The following MAP3K15 variants were observed in gnomAD, a reference collection of about 807,000 sequenced individuals.
The protein encoded by MAP3K15 is MAPK/ERK kinase kinase 15.
A neutral mutation model predicts 99.5 loss-of-function variants in MAP3K15; 124 were observed. That is an observed-to-expected ratio of 1.25 (90% CI 1.08 to 1.45). MAP3K15 has a LOEUF of 1.45. MAP3K15 is among the 40% of genes most tolerant of loss of function. The pLI, the probability that MAP3K15 is intolerant of heterozygous loss-of-function variation, is 0.00. For missense variants in MAP3K15, 1,242 were observed against 1,079.7 expected (o/e 1.15, Z -2.11); for synonymous variants, 494 against 439.6 (o/e 1.12, Z -1.55).
At chrX:19,452,891 T>C (rs759105167) in intron 6 of MAP3K15, among the ~76,000 whole-genome samples, 55 of 110,620 alleles carry the variant, frequency 5.0e-4, no homozygotes, top group Admixed American at 2.7e-3. Context: ...GTGTATTTTA[T>C]GTATGGTCCA....
intron 6 of MAP3K15, among the ~76,000 whole-genome samples, chrX:19,453,437 T>A (rs978495484): frequency 2.8e-5 from 3 of 108,568 alleles, no homozygotes; most frequent in Non-Finnish European, 3.8e-5. Context: ...GAGGCGAAGG[T>A]TGCAGTGAGC....
intron 16 of MAP3K15, among the ~76,000 whole-genome samples, chrX:19,394,466 T>C (rs892903680): frequency 2.7e-5 from 3 of 112,010 alleles, no homozygotes; most frequent in African/African-American, 6.5e-5. Context: ...ATGGTCTGGG[T>C]CCAGATCCCA....
chrX:19,372,721 T>A lies in MAP3K15; in HGVS notation c.3040A>T (p.Ile1014Phe). The change falls in exon 22 of 29, where the codon ATC becomes TTC. Residue 1014 changes from isoleucine (I) to phenylalanine (F), a missense_variant. By Grantham distance (21) the Ile-to-Phe change is conservative. Transcript: ENST00000338883. ...LLRKDSERRA[I>F]LYKILWEEQN... ...TCCTCCCAGAGGATTTTGTACAGGATGGCACGGCGCTCACTGTCCTTGCGT... is the reference window on the plus strand; with the variant it reads ...TCCTCCCAGAGGATTTTGTACAGGAAGGCACGGCGCTCACTGTCCTTGCGT... 1 of 1,211,523 alleles carries A rather than the reference T, an allele frequency of 8.3e-7. No individual in the cohort carries two copies. The highest frequency in any genetic ancestry group is 1.1e-6 in the Non-Finnish European group (1 of 895,331).
chrX:19,386,887 T>C lies in MAP3K15; in HGVS notation c.2431+5115A>G, dbSNP rs1415530910. ...CCTACCCTCTCCCAAGTTACAGGAT[T>C]TGGGGCAGGACTGTCCCCAAAAGGG... is the stretch of plus-strand genomic sequence containing the variant. On this transcript the variant is annotated intron_variant, in intron 18 of 28. Coordinates refer to ENST00000338883, the MANE Select transcript of MAP3K15 (RefSeq NM_001001671.4). Among the ~76,000 whole-genome samples, 5 of 110,963 alleles carry C rather than the reference T, an allele frequency of 4.5e-5. No homozygotes were observed. The Admixed American group carries it at 4.8e-4, about 11-fold the overall frequency.
At chrX:19,440,802 G>A (rs925183509) in intron 6 of MAP3K15, among the ~76,000 whole-genome samples, 7 of 112,581 alleles carry the variant, frequency 6.2e-5, no homozygotes, top group Non-Finnish European at 1.3e-4. Flanking sequence ...CTCCTTATTT[G>A]CAAGTTGTAG....
At chrX:19,487,166 A>G (rs1053463576) in intron 2 of MAP3K15, among the ~76,000 whole-genome samples, 1 of 109,790 alleles carries the variant, frequency 9.1e-6, no homozygotes. Flanking sequence ...CCATAACTAA[A>G]CAGCTGCCCT....
intron 18 of MAP3K15, among the ~76,000 whole-genome samples, chrX:19,388,979 A>G (rs1381267758): frequency 2.7e-5 from 3 of 111,933 alleles, no homozygotes; most frequent in African/African-American, 9.7e-5. Context: ...CGAAGTACCC[A>G]TACACACCAC....
At chrX:19,383,860 A>C (rs1192361167) in intron 18 of MAP3K15, among the ~76,000 whole-genome samples, 1 of 111,928 alleles carries the variant, frequency 8.9e-6, no homozygotes, top group Non-Finnish European at 1.9e-5. Flanking sequence ...GATGTGGAGA[A>C]AAGGGAACCC....
At chrX:19,503,259 G>A (rs911083512) in intron 1 of MAP3K15, among the ~76,000 whole-genome samples, 5 of 111,749 alleles carry the variant, frequency 4.5e-5, no homozygotes, top group African/African-American at 1.6e-4. Context: ...AGAAATAAAT[G>A]TGGCCAGTCT....
At chrX:19,400,518 C>T (rs1249078854) in intron 14 of MAP3K15, 58 bp downstream of exon 14, 2 of 878,867 alleles carry the variant, frequency 2.3e-6, no homozygotes, top group African/African-American at 2.0e-5. Flanking sequence ...GGGACATTTT[C>T]TTGAAGCATC....
intron 6 of MAP3K15, among the ~76,000 whole-genome samples, chrX:19,442,216 T>C (rs1174235028): frequency 9.0e-6 from 1 of 111,622 alleles, no homozygotes; most frequent in African/African-American, 3.3e-5. Flanking sequence ...ACCTAGCCCA[T>C]GTGGACTCCT....
In MAP3K15 at chrX:19,421,761, A is replaced by G. The variant is rs374615649; in HGVS notation, c.1439+3770T>C. On this transcript the variant is annotated intron_variant, in intron 9 of 28. Coordinates refer to ENST00000338883, the MANE Select transcript of MAP3K15 (RefSeq NM_001001671.4). ...AAAAGAACAAAGCTGGAGGCATCAC[A>G]CTACCTGACTTCAAACTATACTACA... Among the ~76,000 whole-genome samples, 11 of 109,267 alleles carry G rather than the reference A, an allele frequency of 1.0e-4. 1 individual carries two copies. Among genetic ancestry groups the G allele is most frequent in the East Asian group, 8.5e-4 (3 of 3,544 alleles). The allele number at this position is 109,267 out of a possible 115,157, so 94.9% of individuals were successfully genotyped here. A position where few individuals can be genotyped will look rare whatever the true frequency, so the allele number is the denominator to read the frequency against.
chrX:19,409,915 T>G lies in MAP3K15; in HGVS notation c.1748+9A>C. On this transcript the variant is annotated intron_variant, in intron 12 of 28. Transcript: ENST00000338883. ...AAAATAGTAACTCCATTTTCTCCTA[T>G]GTTCTTACCTTATTCCCTTTATGGA... The G allele has an allele frequency of 8.5e-7, 1 of 1,177,886 alleles. No individual in the cohort carries two copies. The highest frequency in any genetic ancestry group is 1.2e-6 in the Non-Finnish European group (1 of 867,575).
At chrX:19,508,469 G>A (rs1005389203) in intron 1 of MAP3K15, among the ~76,000 whole-genome samples, 3 of 112,712 alleles carry the variant, frequency 2.7e-5, no homozygotes, top group African/African-American at 9.7e-5. Context: ...ACCGTGCCCG[G>A]CCTGGAGATG....
intron 1 of MAP3K15, among the ~76,000 whole-genome samples, chrX:19,510,412 A>G (rs1479812484): frequency 8.9e-6 from 1 of 112,096 alleles, no homozygotes; most frequent in Non-Finnish European, 1.9e-5. Context: ...AACAAACATA[A>G]TCGATCACAT....
intron 6 of MAP3K15, among the ~76,000 whole-genome samples, chrX:19,451,637 C>T (rs781398995): frequency 5.3e-4 from 57 of 107,827 alleles, no homozygotes; most frequent in Non-Finnish European, 8.8e-4. Context: ...TCATCTTATA[C>T]GCATTAGGGC....
chrX:19,495,408 A>G (rs971212597), intron 1 of MAP3K15, among the ~76,000 whole-genome samples: 1 of 112,004 alleles, frequency 8.9e-6, no homozygotes, highest in African/African-American at 3.2e-5. Flanking sequence ...CAAGTGTCAT[A>G]GTGAGTGGTA....
At position 19,507,519 on chromosome X, in the gene MAP3K15, G is replaced by A. The variant is rs193158557; in HGVS notation, c.361+7382C>T. 3.8e-4 allele frequency among the ~76,000 whole-genome samples: 37 copies of A among 97,636 alleles called. No individual in the cohort carries two copies. The East Asian group carries it at 6.1e-3, about 16-fold the overall frequency. The allele number at this position is 97,636 out of a possible 115,157, so 84.8% of individuals were successfully genotyped here. A position where few individuals can be genotyped will look rare whatever the true frequency, so the allele number is the denominator to read the frequency against. The stretch of plus-strand genomic sequence containing the variant: ...TTGAGCCCAGGGAGGTCAAGGCTGC[G>A]GTGAGCCGTGATCGCGCTACTGCAC... On this transcript the variant is annotated intron_variant, in intron 1 of 28. Coordinates refer to ENST00000338883, the MANE Select transcript of MAP3K15 (RefSeq NM_001001671.4).
intron 23 of MAP3K15, 130 bp downstream of exon 23, chrX:19,371,215 T>C (rs1602247488): frequency 6.0e-6 from 5 of 835,816 alleles, no homozygotes; most frequent in East Asian, 6.3e-5. Flanking sequence ...CTGGACTTCA[T>C]TGTTTAGGAG....
Sources: allele counts gnomAD v4.1 joint callset (sites outside exome capture counted in the v4.1 genomes callset), GRCh38; gene constraint gnomAD v4.1.1; transcripts MANE v1.5; gene names NCBI Gene and HGNC (gene_info 2026-07-23, HGNC 2026-07-21).